SNX30: variants seen among roughly 807,000 people sequenced by gnomAD.
SNX30 encodes sorting nexin-30.
In SNX30, 24 loss-of-function variants were observed where a neutral mutation model predicts 46.4. That is an observed-to-expected ratio of 0.52 (90% confidence interval 0.37 to 0.73). The LOEUF (loss-of-function observed/expected upper bound fraction) is 0.73, where lower values mean the gene tolerates loss of function less well. SNX30 is among the 30% of genes least tolerant of loss of function. The pLI, the probability that SNX30 is intolerant of heterozygous loss-of-function variation, is 0.00. For missense variants in SNX30, 533 were observed against 555.7 expected (o/e 0.96, Z 0.41); for synonymous variants, 189 against 211.5 (o/e 0.89, Z 0.92).
chr9:112,852,046 G>A (rs1458487159), intron 7 of SNX30, among the ~76,000 whole-genome samples: 1 of 152,152 alleles, frequency 6.6e-6, no homozygotes, highest in African/African-American at 2.4e-5. Flanking sequence ...ACTGAGACAT[G>A]GCTCAGCAGA....
At chr9:112,842,204 A>G (rs1384421046) in intron 6 of SNX30, among the ~76,000 whole-genome samples, 6 of 152,094 alleles carry the variant, frequency 3.9e-5, no homozygotes, top group Middle Eastern at 3.2e-3. Context: ...TGGCCTCCCA[A>G]AATGCTGGGA....
chr9:112,881,074 A>G (rs1006004618), intron 5 of SNX30, among the ~76,000 whole-genome samples: 2 of 152,174 alleles, frequency 1.3e-5, no homozygotes, highest in Non-Finnish European at 2.9e-5. Flanking sequence ...CTGCCTTTCC[A>G]TAGGTCCTTT....
At chr9:112,840,783 T>A (rs866079504) in intron 6 of SNX30, among the ~76,000 whole-genome samples, 2 of 149,350 alleles carry the variant, frequency 1.3e-5, no homozygotes, top group African/African-American at 5.0e-5. Context: ...CTGGCTGATA[T>A]TTCTTTTTTT....
In SNX30 at chr9:112,848,083, C is replaced by T. The variant is rs146315356; in HGVS notation, c.1015-2776C>T. Among the ~76,000 whole-genome samples the T allele has an allele frequency of 9.3e-3, 1,421 of 152,106 alleles. 8 individuals are homozygous for T. The highest frequency in any genetic ancestry group is 0.019 in the African/African-American group (769 of 41,488). ...TGGGTGTGTAGAGGAGGGCAGGTGG[C>T]GCGAGGCATGAGGAGAAAAGTCTCA... On this transcript the variant is annotated intron_variant, in intron 6 of 8. Transcript: ENST00000374232.
chr9:112,818,041 G>A (rs1002828116), intron 3 of SNX30, among the ~76,000 whole-genome samples: 7 of 152,004 alleles, frequency 4.6e-5, no homozygotes, highest in African/African-American at 9.7e-5. Flanking sequence ...TAGCCACAGC[G>A]GCAGAAATCT....
In SNX30 at chr9:112,750,899, G is replaced by A. The variant is rs1839262280; in HGVS notation, c.-103G>A. 2.8e-6 allele frequency: 3 copies of A among 1,081,384 alleles called. No individual in the cohort carries two copies. In the South Asian group the frequency reaches 1.3e-4, roughly 49 times the overall value. The allele number at this position is 1,081,384 out of a possible 1,614,324, so 67.0% of individuals were successfully genotyped here. A position where few individuals can be genotyped will look rare whatever the true frequency, so the allele number is the denominator to read the frequency against. ...CAGCACGGCCGGTGCAAGGCCTCGG[G>A]TTAAGCGGCGGCCGAGCGGGGCTCG... On this transcript the variant is annotated 5_prime_UTR_variant, in exon 1 of 9. Transcript: ENST00000374232.
At chr9:112,769,923 A>T (rs918682710) in intron 1 of SNX30, among the ~76,000 whole-genome samples, 5 of 151,808 alleles carry the variant, frequency 3.3e-5, no homozygotes, top group African/African-American at 9.7e-5. Flanking sequence ...TTTTCATCCC[A>T]TACCTAAGCC....
chr9:112,849,798 C>T (rs1303575879), intron 6 of SNX30, among the ~76,000 whole-genome samples: 1 of 152,192 alleles, frequency 6.6e-6, no homozygotes, highest in Admixed American at 6.5e-5. Flanking sequence ...CTTGACTCCT[C>T]ACGCTGCTGG....
At chr9:112,793,797 G>GTTTTTTTTT (rs200559435) in intron 1 of SNX30, among the ~76,000 whole-genome samples, 23 of 137,122 alleles carry the variant, frequency 1.7e-4, no homozygotes, top group Non-Finnish European at 3.0e-4. Context: ...TACCTCCACT[G>GTTTTTTTTT]TTTTTTGTTT....
At chr9:112,858,685 A>G (rs1414829337) in intron 7 of SNX30, among the ~76,000 whole-genome samples, 2 of 152,164 alleles carry the variant, frequency 1.3e-5, no homozygotes, top group African/African-American at 4.8e-5. Flanking sequence ...GGTCACAGAC[A>G]GCTCACCCCA....
chr9:112,840,540 C>T (rs1009319436), intron 6 of SNX30, among the ~76,000 whole-genome samples: 7 of 152,182 alleles, frequency 4.6e-5, no homozygotes, highest in African/African-American at 1.7e-4. Flanking sequence ...GGCTGGAGTG[C>T]AGTGGCACAA....
chr9:112,859,316 A>C (rs529915111), intron 7 of SNX30, among the ~76,000 whole-genome samples: 1 of 152,332 alleles, frequency 6.6e-6, no homozygotes, highest in Admixed American at 6.5e-5. Context: ...ACATACATAC[A>C]TACACATACA....
At position 112,775,542 on chromosome 9, in the gene SNX30, T is replaced by TTTTGTGTGTG. The variant is rs1554749284; in HGVS notation, c.156+24386_156+24387insTTGTGTGTGT. 7.6e-5 allele frequency among the ~76,000 whole-genome samples: 10 copies of TTTTGTGTGTG among 131,412 alleles called. No individual in the cohort carries two copies. In the South Asian group the frequency reaches 1.4e-3, roughly 18 times the overall value. The allele number at this position is 131,412 out of a possible 152,430, so 86.2% of individuals were successfully genotyped here. Reference sequence around the variant, plus strand: ...GTGGCTTGTCCTTTTTATTTTAAATTTGTGTGTGTGTGTGTGTGTGTGTGT... The same window carrying TTTTGTGTGTG: ...GTGGCTTGTCCTTTTTATTTTAAATTTTTGTGTGTGTGTGTGTGTGTGTGTGTGTGTGTGT... On this transcript the variant is annotated intron_variant, in intron 1 of 8. Coordinates refer to ENST00000374232, the MANE Select transcript of SNX30 (RefSeq NM_001012994.2).
At chr9:112,879,728 G>T (rs750007767), downstream of SNX30, 2 of 1,598,256 alleles carry the variant, frequency 1.3e-6, no homozygotes, top group Non-Finnish European at 1.7e-6. Context: ...GCCTGGCCAT[G>T]GCTGATGTTT....
chr9:112,838,217 T>G (rs1840795181), intron 5 of SNX30, among the ~76,000 whole-genome samples: 1 of 152,116 alleles, frequency 6.6e-6, no homozygotes, highest in African/African-American at 2.4e-5. Flanking sequence ...AGATGTTTGG[T>G]GGATGTGGCT....
intron 1 of SNX30, among the ~76,000 whole-genome samples, chr9:112,768,240 T>C (rs1174125696): frequency 2.0e-5 from 3 of 152,188 alleles, no homozygotes; most frequent in Non-Finnish European, 4.4e-5. Flanking sequence ...TGGAATGTCA[T>C]GCGAATTCTT....
intron 1 of SNX30, among the ~76,000 whole-genome samples, chr9:112,774,675 T>C (rs76697600): frequency 0.012 from 1,835 of 152,228 alleles, 33 homozygotes; most frequent in African/African-American, 0.043. Flanking sequence ...TGATATCTCA[T>C]TGTGGTTATA....
chr9:112,779,080 A>T (rs1256498997), intron 1 of SNX30, among the ~76,000 whole-genome samples: 2 of 152,248 alleles, frequency 1.3e-5, no homozygotes, highest in African/African-American at 4.8e-5. Context: ...TGATGGTCTG[A>T]GGATTGGCAG....
At chr9:112,765,463 C>T (rs1839520549) in intron 1 of SNX30, among the ~76,000 whole-genome samples, 2 of 152,142 alleles carry the variant, frequency 1.3e-5, no homozygotes, top group Admixed American at 1.3e-4. Flanking sequence ...TTCCCTATTC[C>T]CAGCCCCTGG....
Sources: allele counts gnomAD v4.1 joint callset (sites outside exome capture counted in the v4.1 genomes callset), GRCh38; gene constraint gnomAD v4.1.1; transcripts MANE v1.5; gene names NCBI Gene and HGNC (gene_info 2026-07-23, HGNC 2026-07-21).